Variants in FGFR1 observed in about 807,000 individuals in gnomAD.
FGFR1 encodes FGFR1/PLAG1 fusion.
Under a neutral mutation model 93.7 loss-of-function variants are expected in FGFR1, and 18 were observed. The observed-to-expected ratio is 0.19, with a 90% CI of 0.13 to 0.28. The LOEUF (loss-of-function observed/expected upper bound fraction) is 0.28. Ranked by LOEUF, FGFR1 falls within the 10% of genes least tolerant of loss-of-function variation. The pLI, the probability that FGFR1 is intolerant of heterozygous loss-of-function variation, is 1.00. For missense variants in FGFR1, 731 were observed against 1,080.4 expected (o/e 0.68, Z 4.53); for synonymous variants, 448 against 429.3 (o/e 1.04, Z -0.54).
intron 2 of FGFR1, among the ~76,000 whole-genome samples, chr8:38,431,182 C>T: frequency 6.6e-6 from 1 of 152,228 alleles, no homozygotes; most frequent in East Asian, 1.9e-4. Context: ...CCTGCTGTGG[C>T]TCACGGCTGC....
chr8:38,438,192 G>T (rs1563550100), intron 2 of FGFR1, among the ~76,000 whole-genome samples: 1 of 151,574 alleles, frequency 6.6e-6, no homozygotes, highest in African/African-American at 2.4e-5. Context: ...CTACATACCA[G>T]CATAGTTCTC....
intron 3 of FGFR1, chr8:38,428,964 C>A (rs565996076): frequency 1.7e-4 from 52 of 304,738 alleles, no homozygotes; most frequent in Non-Finnish European, 2.7e-4. Context: ...CAGCTGCCAA[C>A]ACCTCTCCCC....
At chr8:38,455,922 T>C (rs1176925150) in intron 2 of FGFR1, among the ~76,000 whole-genome samples, 1 of 152,198 alleles carries the variant, frequency 6.6e-6, no homozygotes, top group Admixed American at 6.5e-5. Flanking sequence ...ATAAACTCCC[T>C]GTGGGCAGAC....
At chr8:38,422,040 G>A (rs941198218) in intron 7 of FGFR1, 99 bp from the exon 8 acceptor site, 22 of 1,358,964 alleles carry the variant, frequency 1.6e-5, no homozygotes, top group Admixed American at 1.3e-4. Flanking sequence ...GGGACTAGAG[G>A]AAGAAATGCT....
rs60858123 is a variant in FGFR1, at chr8:38,432,919, T to G, written c.92-2971A>C. Reference sequence around the variant, plus strand: ...TCCCTCCCCACCGCGCCCCCCCCCCTCCCCAGTTGGGATGCTTTCAGCACG... The same window carrying G: ...TCCCTCCCCACCGCGCCCCCCCCCCGCCCCAGTTGGGATGCTTTCAGCACG... On this transcript the variant is annotated intron_variant, in intron 2 of 17. Transcript: ENST00000447712. Among the ~76,000 whole-genome samples, 28 of 24,372 alleles carry G rather than the reference T, an allele frequency of 1.1e-3. 1 individual carries two copies. The highest frequency in any genetic ancestry group is 1.7e-3 in the Admixed American group (4 of 2,352). The allele number at this position is 24,372 out of a possible 152,430, so 16.0% of individuals were successfully genotyped here. A position where few individuals can be genotyped will look rare whatever the true frequency, so the allele number is the denominator to read the frequency against.
chr8:38,446,184 A>G (rs1226862764), intron 2 of FGFR1, among the ~76,000 whole-genome samples: 1 of 149,792 alleles, frequency 6.7e-6, no homozygotes, highest in African/African-American at 2.5e-5. Context: ...TCCAAGGCAA[A>G]CTGACTCAGC....
rs771948341 is a variant in FGFR1 at position 38,424,403 on chromosome 8, A to G, written c.936+106T>C. 1 of 1,200,086 alleles carries G rather than the reference A, an allele frequency of 8.3e-7. No individual in the cohort carries two copies. The highest frequency in any genetic ancestry group is 1.2e-5 in the South Asian group (1 of 80,740). 74.3% of individuals were successfully genotyped at this position (1,200,086 alleles called of 1,614,324 possible). On this transcript the variant is annotated intron_variant, in intron 7 of 17. Transcript: ENST00000447712. This position sits in a 1 kb window ranked among gnomAD's most constrained non-coding sequence, Gnocchi z 4.3. ...AGTGTGTGTGCCTGAAGCGTGAGGA[A>G]TGATCCCATTCGGGGGCAACTGAGC...
At chr8:38,444,780 C>A (rs958815328) in intron 2 of FGFR1, among the ~76,000 whole-genome samples, 1 of 152,136 alleles carries the variant, frequency 6.6e-6, no homozygotes, top group Non-Finnish European at 1.5e-5. Context: ...TTCCAGTGAT[C>A]TGGGGATCTA....
At chr8:38,435,850 C>T (rs1365944206) in intron 2 of FGFR1, among the ~76,000 whole-genome samples, 2 of 152,222 alleles carry the variant, frequency 1.3e-5, no homozygotes, top group African/African-American at 2.4e-5. Flanking sequence ...ATTCCAACTC[C>T]TGGAGAACCT....
chr8:38,414,460 G>A (rs1006533393), intron 15 of FGFR1, 99 bp downstream of exon 15: 4 of 1,535,774 alleles, frequency 2.6e-6, no homozygotes, highest in Non-Finnish European at 3.6e-6. Flanking sequence ...TCTCTCTGGG[G>A]CAGAAAGAGG....
chr8:38,446,191 C>G (rs1362538128), intron 2 of FGFR1, among the ~76,000 whole-genome samples: 3 of 150,786 alleles, frequency 2.0e-5, no homozygotes, highest in Non-Finnish European at 4.4e-5. Flanking sequence ...CAAACTGACT[C>G]AGCCCTCTCC....
At chr8:38,457,290 C>T (rs2151337451) in intron 2 of FGFR1, 66 bp downstream of exon 2, 2 of 1,567,410 alleles carry the variant, frequency 1.3e-6, no homozygotes, top group Non-Finnish European at 1.7e-6. Flanking sequence ...AACCATATCA[C>T]CTCCCTCCCA....
chr8:38,455,052 T>G (rs1258734249), intron 2 of FGFR1, among the ~76,000 whole-genome samples: 1 of 146,426 alleles, frequency 6.8e-6, no homozygotes, highest in Non-Finnish European at 1.5e-5. Flanking sequence ...CATGGCTCAC[T>G]GCAACCTCTA....
intron 2 of FGFR1, among the ~76,000 whole-genome samples, chr8:38,450,319 C>T (rs1830640738): frequency 6.6e-6 from 1 of 152,140 alleles, no homozygotes; most frequent in South Asian, 2.1e-4. Flanking sequence ...AACAGGGAAA[C>T]AGTTGTCTCA....
chr8:38,440,167 T>C, intron 2 of FGFR1: 1 of 697,386 alleles, frequency 1.4e-6, no homozygotes. Flanking sequence ...GAGGGGGCAA[T>C]TGTGGGTGGG....
intron 6 of FGFR1, among the ~76,000 whole-genome samples, chr8:38,425,513 A>G (rs1820437085): frequency 6.6e-6 from 1 of 152,148 alleles, no homozygotes; most frequent in Non-Finnish European, 1.5e-5. Flanking sequence ...ATCATAATCA[A>G]GAAGAACACT....
intron 1 of FGFR1, among the ~76,000 whole-genome samples, chr8:38,464,894 G>C (rs953503611): frequency 6.6e-6 from 1 of 152,188 alleles, no homozygotes; most frequent in African/African-American, 2.4e-5. Flanking sequence ...CTTTGTAGAA[G>C]CCGGCTGCTA....
intron 2 of FGFR1, among the ~76,000 whole-genome samples, chr8:38,451,674 CA>C (rs1312475185): frequency 2.0e-5 from 3 of 152,134 alleles, no homozygotes; most frequent in African/African-American, 7.2e-5. Context: ...CAGACTCCTT[CA>C]AATCTGGGTG....
chr8:38,422,607 GC>G, intron 7 of FGFR1: 2 of 288,694 alleles, frequency 6.9e-6, no homozygotes, highest in South Asian at 7.1e-5. Context: ...TTGCTATGTT[GC>G]CCAGGCTGGT....
Sources: gnomAD v4.1 joint callset for allele counts (sites outside exome capture counted in the v4.1 genomes callset) on GRCh38, gnomAD v4.1.1 for gene constraint, Gnocchi (gnomAD v3.1) non-coding constraint, MANE v1.5 for transcripts, NCBI Gene and HGNC (gene_info 2026-07-23, HGNC 2026-07-21) for gene names.